The following UBE3C variants were observed in gnomAD, a reference collection of about 807,000 sequenced individuals.
UBE3C encodes ubiquitin protein ligase E3C.
In UBE3C, 42 loss-of-function variants were observed where a neutral mutation model predicts 129.4. The observed-to-expected ratio is 0.32, with a 90% CI of 0.25 to 0.42. The LOEUF is 0.42. UBE3C is among the 10% of genes least tolerant of loss of function. The pLI, the probability that UBE3C is intolerant of heterozygous loss-of-function variation, is 1.00. For missense variants in UBE3C, 1,049 were observed against 1,319.1 expected (o/e 0.80, Z 3.17); for synonymous variants, 510 against 492.4 (o/e 1.04, Z -0.47).
chr7:157,208,061 T>A, intron 13 of UBE3C, 126 bp downstream of exon 13: 3 of 236,706 alleles, frequency 1.3e-5, no homozygotes, highest in Non-Finnish European at 1.8e-5. Flanking sequence ...AAGACTTTTT[T>A]TTTTTTTTTT....
chr7:157,155,591 C>A (rs1290991784), intron 1 of UBE3C, among the ~76,000 whole-genome samples: 1 of 152,130 alleles, frequency 6.6e-6, no homozygotes, highest in Non-Finnish European at 1.5e-5. Flanking sequence ...TTAATGAAAT[C>A]TGATTTAAAC....
chr7:157,157,963 G>GAT (rs1438008848), intron 1 of UBE3C, among the ~76,000 whole-genome samples: 4 of 112,774 alleles, frequency 3.5e-5, no homozygotes, highest in South Asian at 2.7e-4. Flanking sequence ...CTGGGCAACA[G>GAT]ATATATATAG....
intron 18 of UBE3C, among the ~76,000 whole-genome samples, chr7:157,241,941 A>G (rs1174184462): frequency 2.0e-5 from 3 of 152,204 alleles, no homozygotes; most frequent in African/African-American, 4.8e-5. Context: ...TTTATATGAA[A>G]TGTCCAAAAC....
intron 22 of UBE3C, among the ~76,000 whole-genome samples, chr7:157,266,499 C>T (rs2116724554): frequency 6.6e-6 from 1 of 152,282 alleles, no homozygotes; most frequent in South Asian, 2.1e-4. Flanking sequence ...CGTGAGTCAT[C>T]TCCCCACAAT....
At chr7:157,203,984 T>C (rs1415304922) in intron 11 of UBE3C, among the ~76,000 whole-genome samples, 1 of 152,220 alleles carries the variant, frequency 6.6e-6, no homozygotes, top group East Asian at 1.9e-4. Context: ...CATCAAACAC[T>C]AGGCCAATTT....
intron 1 of UBE3C, chr7:157,140,098 CG>C (rs1807396787): frequency 5.3e-6 from 5 of 940,900 alleles, no homozygotes; most frequent in Non-Finnish European, 6.3e-6. Context: ...TCCCTGAAGA[CG>C]GGCATCAGTT....
intron 2 of UBE3C, chr7:157,164,491 C>G: frequency 2.2e-6 from 1 of 456,630 alleles, no homozygotes; most frequent in Non-Finnish European, 4.4e-6. Flanking sequence ...AAGGAGAAAG[C>G]TCACTGTTAA....
At chr7:157,159,472 C>G (rs1808008946) in intron 1 of UBE3C, among the ~76,000 whole-genome samples, 1 of 152,152 alleles carries the variant, frequency 6.6e-6, no homozygotes, top group Non-Finnish European at 1.5e-5. Flanking sequence ...TTCAAAAGAT[C>G]AGACTGTGGA....
At position 157,174,861 on chromosome 7, in the gene UBE3C, A is replaced by G. The variant is rs78558289; in HGVS notation, c.343-58A>G. 6,967 of 1,386,144 alleles carry G rather than the reference A, an allele frequency of 5.0e-3. 324 individuals are homozygous for G. The African/African-American group carries it at 0.091, about 18-fold the overall frequency. 85.9% of individuals were successfully genotyped at this position (1,386,144 alleles called of 1,614,324 possible). ...AAAGGAAATTTGGGGTATTATGTAA[A>G]TTAGCAAACTATTAAATTTTCATTG... is the stretch of plus-strand genomic sequence containing the variant. On this transcript the variant is annotated intron_variant, in intron 4 of 22. Coordinates refer to ENST00000348165, the MANE Select transcript of UBE3C (RefSeq NM_014671.3).
At chr7:157,207,599 A>G (rs753437529) in intron 12 of UBE3C, 44 bp downstream of exon 12, 2 of 1,598,708 alleles carry the variant, frequency 1.3e-6, no homozygotes, top group Middle Eastern at 1.7e-4. Flanking sequence ...CACTTGGCCC[A>G]TCAGTTTTCA....
intron 10 of UBE3C, among the ~76,000 whole-genome samples, chr7:157,190,647 T>A (rs1023452218): frequency 3.3e-5 from 5 of 152,146 alleles, no homozygotes; most frequent in African/African-American, 1.2e-4. Flanking sequence ...ATGTCATGGT[T>A]TGCCAGCCTG....
rs1807423288 is a variant in UBE3C at position 157,140,811 on chromosome 7, A to G, written c.66+1473A>G. On this transcript the variant is annotated intron_variant, in intron 1 of 22. Coordinates refer to ENST00000348165, the MANE Select transcript of UBE3C (RefSeq NM_014671.3). ...TGAGATTTCTTAACTGTTGATCAGA[A>G]TCTCAAGGGAAGATAGCACGAGCTG... is the stretch of plus-strand genomic sequence containing the variant. 2.0e-5 allele frequency among the ~76,000 whole-genome samples: 3 copies of G among 152,218 alleles called. 1 individual carries two copies. The highest frequency in any genetic ancestry group is 2.0e-4 in the Admixed American group (3 of 15,284).
At chr7:157,191,257 ATGTG>A (rs1216441556) in intron 10 of UBE3C, among the ~76,000 whole-genome samples, 1 of 151,914 alleles carries the variant, frequency 6.6e-6, no homozygotes, top group Non-Finnish European at 1.5e-5. Flanking sequence ...GCGCGTGTGT[ATGTG>A]TGTGTGTAGT....
chr7:157,203,701 A>G (rs929786997), intron 11 of UBE3C, among the ~76,000 whole-genome samples: 1 of 152,214 alleles, frequency 6.6e-6, no homozygotes, highest in African/African-American at 2.4e-5. Context: ...TAGTTTTACA[A>G]ATCTTATTAA....
Position 157,248,492 on chromosome 7 carries a change from A to G in UBE3C, c.2606A>G (p.Asn869Ser). ...TCCCTAGACCCTGAGGTGTATAAGA[A>G]TTTGCTCTTTCTGAAGAGCTACGAA... ...LASLDPEVYKNLLFLKSYEDD... is the reference protein window; with the variant it reads ...LASLDPEVYKSLLFLKSYEDD... The change falls in exon 19 of 23, where the codon AAT becomes AGT. Residue 869 changes from asparagine (N) to serine (S), a missense_variant. This residue lies in a region of UBE3C where 243 missense variants were observed against 368.7 expected (regional missense o/e 0.66). Transcript: ENST00000348165. 6.2e-7 allele frequency: 1 copy of G among 1,613,484 alleles called. No individual in the cohort carries two copies. The highest frequency in any genetic ancestry group is 1.7e-5 in the Admixed American group (1 of 60,020).
chr7:157,166,697 G>A lies in UBE3C; in HGVS notation c.121-2351G>A, dbSNP rs1466976615. Among the ~76,000 whole-genome samples the A allele has an allele frequency of 2.7e-5, 4 of 147,546 alleles. No homozygotes were observed. In the South Asian group the frequency reaches 6.4e-4, roughly 24 times the overall value. On this transcript the variant is annotated intron_variant, in intron 2 of 22. Coordinates refer to ENST00000348165, the MANE Select transcript of UBE3C (RefSeq NM_014671.3). ...GGAGGTTGTGGTGAGCTGAGATCAC[G>A]CTGTTGCACTCCAGCCTGGAGTGAA...
At chr7:157,241,403 G>A (rs1796320343) in intron 18 of UBE3C, among the ~76,000 whole-genome samples, 1 of 152,338 alleles carries the variant, frequency 6.6e-6, no homozygotes, top group East Asian at 1.9e-4. Context: ...ATGGGCGAAG[G>A]ATCCAATTGG....
chr7:157,170,424 A>G lies in UBE3C; in HGVS notation c.316A>G (p.Lys106Glu). The G allele has an allele frequency of 1.3e-6, 2 of 1,559,244 alleles. No individual in the cohort carries two copies. The highest frequency in any genetic ancestry group is 1.7e-6 in the Non-Finnish European group (2 of 1,157,234). ...GGTAAGGCAGCTTCTGTTTTTTTAC[A>G]AACAAAATGAAGACTCAAAACGTTT... ...LLVRQLLFFY[K>E]QNEDSKRLIW... is the part of the protein sequence containing the mutation. The change falls in exon 4 of 23, where the codon AAA (lysine) becomes GAA (glutamate). Residue 106 changes from lysine (K) to glutamate (E), a missense_variant. By Grantham distance (56) the Lys-to-Glu change is moderately conservative (BLOSUM62 1). Transcript: ENST00000348165.
At chr7:157,256,072 C>T (rs570823793) in intron 21 of UBE3C, among the ~76,000 whole-genome samples, 12 of 152,284 alleles carry the variant, frequency 7.9e-5, no homozygotes, top group African/African-American at 2.6e-4. Context: ...AATAAGGCTC[C>T]TCTGCAGTAG....
Sources: allele counts gnomAD v4.1 joint callset (sites outside exome capture counted in the v4.1 genomes callset), GRCh38; gene constraint gnomAD v4.1.1; regional missense constraint gnomAD v4.1.1; transcripts MANE v1.5; gene names NCBI Gene and HGNC (gene_info 2026-07-23, HGNC 2026-07-21).